The following MYH4 variants were observed in gnomAD, a reference collection of about 807,000 sequenced individuals.
The protein encoded by MYH4 is myosin-4.
A neutral mutation model predicts 229.9 loss-of-function variants in MYH4; 200 were observed. The observed-to-expected ratio is 0.87, with a 90% confidence interval of 0.78 to 0.98. The LOEUF (loss-of-function observed/expected upper bound fraction) is 0.98, where lower values mean the gene tolerates loss of function less well. Ranked by LOEUF, MYH4 falls within the 50% of genes least tolerant of loss-of-function variation. The pLI, the probability that MYH4 is intolerant of heterozygous loss-of-function variation, is 0.00. For synonymous variants in MYH4, 761 were observed against 834.6 expected, an observed-to-expected ratio of 0.91 and a Z score of 1.52; for missense variants, 2,148 against 2,332.6, an observed-to-expected ratio of 0.92 and a Z score of 1.63.
intron 7 of MYH4, 146 bp downstream of exon 7, chr17:10,464,326 A>G: frequency 1.3e-6 from 1 of 753,874 alleles, no homozygotes; most frequent in South Asian, 2.1e-5. Context: ...TGTTGCTGCA[A>G]AAAATATGAT....
rs940157631 is a variant in MYH4 at position 10,450,827 on chromosome 17, A to G, written c.3934T>C (p.Phe1312Leu). The change falls in exon 29 of 40, where the codon TTT becomes CTT. Residue 1312 changes from phenylalanine (F) to leucine (L), a missense_variant. Phe to Leu is a conservative substitution (Grantham distance 22). Transcript: ENST00000255381. ...VSQLSRGKQAFTQQIEELKRQ... is the reference protein window; with the variant it reads ...VSQLSRGKQALTQQIEELKRQ... ...TTTAATTCTTCAATCTGTTGTGTAA[A>G]TGCTTGTTTGCCTCGGGATAGCTGA... 16 of 1,614,114 alleles carry G rather than the reference A, an allele frequency of 9.9e-6. No homozygotes were observed. Among genetic ancestry groups the G allele is most frequent in the East Asian group, 2.2e-5 (1 of 44,888 alleles).
intron 12 of MYH4, 141 bp downstream of exon 12, chr17:10,460,775 G>A: frequency 1.4e-5 from 11 of 804,606 alleles, no homozygotes; most frequent in East Asian, 7.5e-5. Context: ...AATGTAAAAC[G>A]TCAGGCAGTG....
At position 10,448,105 on chromosome 17, in the gene MYH4, C is replaced by T; in HGVS notation, c.4678G>A (p.Gly1560Ser). The change falls in exon 34 of 40, where the codon GGC (glycine) becomes AGC (serine). Residue 1560 changes from glycine to serine, a missense_variant. Coordinates refer to ENST00000255381, the MANE Select transcript of MYH4 (RefSeq NM_017533.2). Reference sequence around the variant, plus strand: ...TCAAGTTGAATGCGAAGAATTTTGCCTTCTTCATGCTCAAGAGATGCCTTA... The same window carrying T: ...TCAAGTTGAATGCGAAGAATTTTGCTTTCTTCATGCTCAAGAGATGCCTTA... Reference protein sequence around the residue: ...EAEASLEHEEGKILRIQLELN... With the variant: ...EAEASLEHEESKILRIQLELN... 1 of 1,613,272 alleles carries T rather than the reference C, an allele frequency of 6.2e-7. No individual in the cohort carries two copies. The highest frequency in any genetic ancestry group is 8.5e-7 in the Non-Finnish European group (1 of 1,179,636).
chr17:10,459,120 C>G, intron 15 of MYH4, 131 bp downstream of exon 15: 2 of 1,461,350 alleles, frequency 1.4e-6, no homozygotes, highest in South Asian at 2.5e-5. Context: ...ACATACCTCA[C>G]AACCAATCAG....
chr17:10,460,135 T>C (rs2072685194), intron 13 of MYH4, 34 bp from the exon 14 acceptor site: 1 of 1,614,048 alleles, frequency 6.2e-7, no homozygotes, highest in East Asian at 2.2e-5. Flanking sequence ...TTTTTTAAAT[T>C]GAAAACAGTG....
Position 10,452,260 on chromosome 17 carries a change from C to T in MYH4, c.3419G>A (p.Arg1140His), listed in dbSNP as rs149818821. Reference protein sequence around the residue: ...RASRAKAEKQRSDLSRELEEI... With the variant: ...RASRAKAEKQHSDLSRELEEI... ...CTCCAGCTCCCGGGAGAGGTCAGAG[C>T]GCTGCTTCTCTGCTTTGGCCCGGGA... The change falls in exon 27 of 40, where the codon CGC becomes CAC. Residue 1140 changes from arginine (R) to histidine (H), a missense_variant. Coordinates refer to ENST00000255381, the MANE Select transcript of MYH4 (RefSeq NM_017533.2). 1.2e-5 allele frequency: 19 copies of T among 1,613,996 alleles called. No individual in the cohort carries two copies. The highest frequency in any genetic ancestry group is 1.7e-4 in the Middle Eastern group (1 of 5,974).
intron 22 of MYH4, 39 bp from the exon 23 acceptor site, chr17:10,453,924 A>G (rs760824784): frequency 5.6e-6 from 9 of 1,611,572 alleles, no homozygotes; most frequent in East Asian, 2.2e-5. Context: ...TGTCTGAGCT[A>G]TATCTATAAG....
intron 30 of MYH4, among the ~76,000 whole-genome samples, chr17:10,449,557 A>G (rs1188217336): frequency 6.6e-6 from 1 of 152,178 alleles, no homozygotes; most frequent in Non-Finnish European, 1.5e-5. Context: ...GCATATCACC[A>G]AGGAATGGTA....
At chr17:10,451,890 C>A in intron 27 of MYH4, 51 bp downstream of exon 27, 2 of 1,545,062 alleles carry the variant, frequency 1.3e-6, no homozygotes, top group South Asian at 2.6e-5. Flanking sequence ...TAAACTTGGT[C>A]ATTTTGAATT....
chr17:10,452,634 A>C, intron 25 of MYH4, 128 bp from the exon 26 acceptor site: 1 of 1,221,382 alleles, frequency 8.2e-7, no homozygotes, highest in Non-Finnish European at 1.1e-6. Context: ...TTACAGATTA[A>C]TAATTGTATT....
At position 10,443,501 on chromosome 17, in the gene MYH4, G is replaced by T. The variant is rs2072479107; in HGVS notation, c.5694C>A (p.Ala1898=). The change falls in exon 40 of 40, where the codon GCC becomes GCA. Residue 1898 remains alanine, a synonymous_variant. Coordinates refer to ENST00000255381, the MANE Select transcript of MYH4 (RefSeq NM_017533.2). The surrounding 1 kb of genome is among the most constrained non-coding windows in gnomAD (Gnocchi z 4.6). ...EAEEQSNVNL[A]KFRKLQHELE... Reference sequence around the variant, plus strand: ...GCTCGTGCTGGAGCTTGCGGAACTTGGCAAGGTTGACATTGGATTGTTCCT... The same window carrying T: ...GCTCGTGCTGGAGCTTGCGGAACTTTGCAAGGTTGACATTGGATTGTTCCT... 1.2e-6 allele frequency: 2 copies of T among 1,613,878 alleles called. No homozygotes were observed. The highest frequency in any genetic ancestry group is 1.7e-5 in the Admixed American group (1 of 59,972).
rs1179712343 is a variant in MYH4 at position 10,466,774 on chromosome 17, A to G, written c.-29T>C. On this transcript the variant is annotated 5_prime_UTR_variant, in exon 3 of 40. Transcript: ENST00000255381. ...TGCAGGTTATTGATGGCAGTACTGG[A>G]CTAGGTATACCTAGAGGAAGAAACA... 8 of 1,612,974 alleles carry G rather than the reference A, an allele frequency of 5.0e-6. No individual in the cohort carries two copies. Among genetic ancestry groups the G allele is most frequent in the Non-Finnish European group, 6.8e-6 (8 of 1,179,096 alleles).
At position 10,452,917 on chromosome 17, in the gene MYH4, C is replaced by G; in HGVS notation, c.3127G>C (p.Glu1043Gln). Residue 1043 changes from glutamate (E) to glutamine (Q), a missense_variant, in exon 25 of 40, where the codon GAA (glutamate) becomes CAA (glutamine). By Grantham distance (29) the Glu-to-Gln change is conservative. Coordinates refer to ENST00000255381, the MANE Select transcript of MYH4 (RefSeq NM_017533.2). The stretch of plus-strand genomic sequence containing the variant: ...TCCATGCAAAGTTTCTTTTCTTGTT[C>G]CAGAGATCCTTCAAGCTAAATTTAT... ...QQVDDLEGSL[E>Q]QEKKLCMDLE... 6.2e-7 allele frequency: 1 copy of G among 1,603,688 alleles called. No individual in the cohort carries two copies. The highest frequency in any genetic ancestry group is 8.5e-7 in the Non-Finnish European group (1 of 1,177,996).
At chr17:10,468,074 C>T (rs1251003186) in intron 2 of MYH4, among the ~76,000 whole-genome samples, 1 of 152,166 alleles carries the variant, frequency 6.6e-6, no homozygotes, top group Non-Finnish European at 1.5e-5. Context: ...TAAAAGTGTC[C>T]TGATGACACT....
rs1410140313 is a variant in MYH4 at position 10,459,263 on chromosome 17, C to T, written c.1575G>A (p.Glu525=). 3 of 1,613,932 alleles carry T rather than the reference C, an allele frequency of 1.9e-6. No individual in the cohort carries two copies. The part of the protein sequence containing the change: ...DFGMDLAACI[E]LIEKPMGIFS... ...AAGTCATATGAACCTTCTCGATGAGCTCGATGCAGGCAGCCAGGTCCATCC... is the reference window on the plus strand; with the variant it reads ...AAGTCATATGAACCTTCTCGATGAGTTCGATGCAGGCAGCCAGGTCCATCC... The change falls in exon 15 of 40, where the codon GAG becomes GAA. Residue 525 remains glutamate (E), a synonymous_variant. Transcript: ENST00000255381.
At chr17:10,455,500 C>T in intron 19 of MYH4, 114 bp downstream of exon 19, 1 of 1,429,238 alleles carries the variant, frequency 7.0e-7, no homozygotes, top group South Asian at 1.3e-5. Context: ...CTTTTATGAT[C>T]AATTTTCAAA....
At chr17:10,452,570 A>T (rs565123203) in intron 25 of MYH4, 64 bp from the exon 26 acceptor site, 227 of 1,501,318 alleles carry the variant, frequency 1.5e-4, no homozygotes, top group Admixed American at 2.8e-4. Flanking sequence ...TTCTATGTAT[A>T]ATCTAAGACT....
At position 10,460,034 on chromosome 17, in the gene MYH4, C is replaced by A; in HGVS notation, c.1334G>T (p.Arg445Leu). 1.2e-6 allele frequency: 2 copies of A among 1,614,070 alleles called. No individual in the cohort carries two copies. Reference protein sequence around the residue: ...YEKMFLWMVTRINQQLDTKQP... With the variant: ...YEKMFLWMVTLINQQLDTKQP... ...CTTGGTGTCCAGCTGCTGGTTGATGCGGGTGACCATCCACAGGAACATCTT... is the reference window on the plus strand; with the variant it reads ...CTTGGTGTCCAGCTGCTGGTTGATGAGGGTGACCATCCACAGGAACATCTT... The change falls in exon 14 of 40, where the codon CGC (arginine) becomes CTC (leucine). Residue 445 changes from arginine (R) to leucine (L), a missense_variant. By Grantham distance (102) the Arg-to-Leu change is moderately radical. Transcript: ENST00000255381.
rs749681305 is a variant in MYH4, at chr17:10,451,396, T to C, written c.3795A>G (p.Thr1265=). ...TTAAGCGTTGTTGCTCTTCTTCCTT[T>C]GTTTTTATTTCACTAAGCTGGTCCT... ...TLEDQLSEIK[T]KEEEQQRLIN... Residue 1265 remains threonine (T), a synonymous_variant, in exon 28 of 40, where the codon ACA becomes ACG. Coordinates refer to ENST00000255381, the MANE Select transcript of MYH4 (RefSeq NM_017533.2). The C allele has an allele frequency of 3.7e-6, 6 of 1,614,128 alleles. No individual in the cohort carries two copies. In the South Asian group the frequency reaches 6.6e-5, roughly 18 times the overall value.
Sources: gnomAD v4.1 joint callset for allele counts (sites outside exome capture counted in the v4.1 genomes callset) on GRCh38, gnomAD v4.1.1 for gene constraint, Gnocchi (gnomAD v3.1) non-coding constraint, MANE v1.5 for transcripts, NCBI Gene and HGNC (gene_info 2026-07-23, HGNC 2026-07-21) for gene names.